The following TRAF3IP1 variants were observed in gnomAD, a reference collection of about 807,000 sequenced individuals.
TRAF3IP1 encodes the protein intraflagellar transport 54, also known as TRAF3-interacting protein 1.
In TRAF3IP1, 53 loss-of-function variants were observed where a neutral mutation model predicts 89.9. The observed-to-expected ratio is 0.59, with a 90% CI of 0.47 to 0.74. The LOEUF is 0.74. TRAF3IP1 is among the 30% of genes least tolerant of loss of function. The pLI is 0.00. For synonymous variants in TRAF3IP1, 311 were observed against 322.1 expected (o/e 0.97, Z 0.37); for missense variants, 806 against 866.1 (o/e 0.93, Z 0.87).
intron 14 of TRAF3IP1, 95 bp downstream of exon 14, chr2:238,353,304 T>C: frequency 7.2e-7 from 1 of 1,396,750 alleles, no homozygotes; most frequent in Non-Finnish European, 1.0e-6. Context: ...CAAGGGACTG[T>C]TGTGTGCCAG....
At chr2:238,384,600 G>A (rs1411863407) in intron 15 of TRAF3IP1, among the ~76,000 whole-genome samples, 1 of 148,212 alleles carries the variant, frequency 6.7e-6, no homozygotes, top group African/African-American at 2.5e-5. Flanking sequence ...GGCCAGGCTG[G>A]TCTTGAGCTC....
intron 1 of TRAF3IP1, among the ~76,000 whole-genome samples, chr2:238,321,009 G>A (rs955933610): frequency 3.3e-5 from 5 of 151,760 alleles, no homozygotes; most frequent in Non-Finnish European, 7.4e-5. Flanking sequence ...GTGTGGGCCG[G>A]GCACAGGGTG....
At chr2:238,332,971 G>A in intron 6 of TRAF3IP1, 76 bp downstream of exon 6, 2 of 1,118,742 alleles carry the variant, frequency 1.8e-6, no homozygotes, top group South Asian at 1.3e-5. Flanking sequence ...TGCGCTCCCC[G>A]GGTCCACTGA....
At chr2:238,348,941 G>T in intron 11 of TRAF3IP1, 93 bp downstream of exon 11, 1 of 1,102,556 alleles carries the variant, frequency 9.1e-7, no homozygotes, top group Non-Finnish European at 1.4e-6. Context: ...TTTATTTAGT[G>T]CTTGAGCTAA....
intron 1 of TRAF3IP1, among the ~76,000 whole-genome samples, chr2:238,321,931 C>A (rs973729378): frequency 6.6e-6 from 1 of 152,224 alleles, no homozygotes; most frequent in African/African-American, 2.4e-5. Flanking sequence ...CCTACCTTAG[C>A]TTATAACGTG....
chr2:238,332,320 C>A (rs1316116664), intron 5 of TRAF3IP1, among the ~76,000 whole-genome samples: 2 of 152,142 alleles, frequency 1.3e-5, no homozygotes, highest in Non-Finnish European at 2.9e-5. Flanking sequence ...GGTTTTCATG[C>A]AGTTTATGTT....
At position 238,338,354 on chromosome 2, in the gene TRAF3IP1, T is replaced by G. The variant is rs1463345128; in HGVS notation, c.1064-8T>G. On this transcript the variant is annotated splice_region_variant and splice_polypyrimidine_tract_variant and intron_variant, in intron 7 of 16. Transcript: ENST00000373327. The stretch of plus-strand genomic sequence containing the variant: ...TATTTTAATCTGTTGTTAACTATTT[T>G]ATGTCAGGAAGGAAGGAGGATAATA... The G allele has an allele frequency of 6.7e-7, 1 of 1,498,740 alleles. No individual in the cohort carries two copies. The highest frequency in any genetic ancestry group is 9.1e-7 in the Non-Finnish European group (1 of 1,097,728). 92.8% of individuals were successfully genotyped at this position (1,498,740 alleles called of 1,614,324 possible).
chr2:238,352,231 C>A (rs1319551623), intron 12 of TRAF3IP1, among the ~76,000 whole-genome samples: 2 of 151,954 alleles, frequency 1.3e-5, no homozygotes, highest in Admixed American at 6.6e-5. Context: ...CTGTTGGACG[C>A]TGACTTGCCC....
Position 238,325,954 on chromosome 2 carries a change from A to G in TRAF3IP1, c.338A>G (p.Lys113Arg), listed in dbSNP as rs1697810384. ...RTNELLQIIGKCCLNKLSSDD... is the reference protein window; with the variant it reads ...RTNELLQIIGRCCLNKLSSDD... ...AACGAGCTGCTCCAGATAATTGGAA[A>G]ATGCTGTCTCAACAAGGTACTACTG... is the stretch of plus-strand genomic sequence containing the variant. Residue 113 changes from lysine to arginine, a missense_variant, in exon 3 of 17, where the codon AAA becomes AGA. By Grantham distance (26) the Lys-to-Arg change is conservative. Coordinates refer to ENST00000373327, the MANE Select transcript of TRAF3IP1 (RefSeq NM_015650.4). 2.5e-6 allele frequency: 4 copies of G among 1,612,826 alleles called. No homozygotes were observed. In the African/African-American group the frequency reaches 5.3e-5, roughly 22 times the overall value.
chr2:238,340,810 T>TGC (rs1372644129), intron 8 of TRAF3IP1, among the ~76,000 whole-genome samples: 1 of 105,264 alleles, frequency 9.5e-6, no homozygotes, highest in Non-Finnish European at 2.2e-5. Flanking sequence ...TGTACAGTTA[T>TGC]GCGTGTGTGT....
At chr2:238,332,332 T>C (rs932847823) in intron 5 of TRAF3IP1, among the ~76,000 whole-genome samples, 13 of 152,232 alleles carry the variant, frequency 8.5e-5, no homozygotes, top group African/African-American at 2.9e-4. Flanking sequence ...GTTTATGTTA[T>C]GAGAGTGCTT....
At chr2:238,376,349 G>C (rs1341014102) in intron 15 of TRAF3IP1, among the ~76,000 whole-genome samples, 1 of 152,204 alleles carries the variant, frequency 6.6e-6, no homozygotes, top group Non-Finnish European at 1.5e-5. Context: ...ACAGGCTGTA[G>C]TTTATACTGC....
chr2:238,332,100 T>C lies in TRAF3IP1; in HGVS notation c.916-724T>C, dbSNP rs116708356. ...GGGTAGCACGTGTGCAGTGCCCAGC[T>C]TGCAGTCATGGGTAATTACTGCTGA... On this transcript the variant is annotated intron_variant, in intron 5 of 16. Coordinates refer to ENST00000373327, the MANE Select transcript of TRAF3IP1 (RefSeq NM_015650.4). Among the ~76,000 whole-genome samples the C allele has an allele frequency of 2.5e-3, 387 of 152,358 alleles. 1 individual carries two copies. The highest frequency in any genetic ancestry group is 4.1e-3 in the Non-Finnish European group (282 of 68,034).
chr2:238,377,414 C>T (rs532439171), intron 15 of TRAF3IP1, among the ~76,000 whole-genome samples: 3 of 151,572 alleles, frequency 2.0e-5, no homozygotes, highest in African/African-American at 2.4e-5. Context: ...GGTTCCCCCC[C>T]CACTGTGGGG....
At chr2:238,340,299 C>G (rs1698580026) in intron 8 of TRAF3IP1, among the ~76,000 whole-genome samples, 1 of 152,152 alleles carries the variant, frequency 6.6e-6, no homozygotes, top group African/African-American at 2.4e-5. Context: ...TGAGGGTGCA[C>G]TGCTATTGGG....
At chr2:238,392,670 G>A (rs573592565) in intron 15 of TRAF3IP1, among the ~76,000 whole-genome samples, 17 of 152,144 alleles carry the variant, frequency 1.1e-4, no homozygotes, top group South Asian at 8.3e-4. Flanking sequence ...CCCCCCACCC[G>A]GGTTCAAGGG....
rs3769110 is a variant in TRAF3IP1, at chr2:238,329,110, A to G, written c.683A>G (p.Asn228Ser). 93,217 of 1,550,390 alleles carry G rather than the reference A, an allele frequency of 0.06. 5,130 individuals are homozygous for G. The highest frequency in any genetic ancestry group is 0.27 in the African/African-American group (19,814 of 72,614). ...GCCAAAGCCCGGGCCAGGCCAGACA[A>G]CGAGCGACAGAAAGACAGAGGCAAC... ...ERAKARARPD[N>S]ERQKDRGNRE... The change falls in exon 5 of 17, where the codon AAC becomes AGC. Residue 228 changes from asparagine to serine, a missense_variant. Asn to Ser is a conservative substitution (Grantham distance 46). Transcript: ENST00000373327.
intron 16 of TRAF3IP1, 116 bp from the exon 17 acceptor site, chr2:238,398,638 C>G: frequency 8.5e-7 from 1 of 1,178,738 alleles, no homozygotes; most frequent in Non-Finnish European, 1.2e-6. Context: ...TAAATATTAT[C>G]CTTTTCTTTG....
intron 7 of TRAF3IP1, 43 bp downstream of exon 7, chr2:238,334,078 G>GTTT (rs5839695): frequency 0.012 from 13,257 of 1,063,470 alleles, no homozygotes; most frequent in Non-Finnish European, 0.014. Flanking sequence ...ATGGATATTA[G>GTTT]TTTTTTTTTT....
Sources: allele counts gnomAD v4.1 joint callset (sites outside exome capture counted in the v4.1 genomes callset), GRCh38; gene constraint gnomAD v4.1.1; transcripts MANE v1.5; gene names NCBI Gene and HGNC (gene_info 2026-07-23, HGNC 2026-07-21).